The following LHFPL3 variants were observed in gnomAD, a reference collection of about 807,000 sequenced individuals.
LHFPL3 encodes LHFPL tetraspan subfamily member 3 protein.
LHFPL3 carries 5 observed loss-of-function variants against 19.3 expected under a neutral mutation model. That is an observed-to-expected ratio of 0.26 (90% confidence interval 0.14 to 0.54). The LOEUF (loss-of-function observed/expected upper bound fraction) is 0.54. Among genes scored for constraint, LHFPL3 ranks in the 20% least tolerant of loss-of-function variants. LHFPL3 has a pLI of 0.94. For synonymous variants in LHFPL3, 133 were observed against 126.2 expected (o/e 1.05, Z -0.36); for missense variants, 249 against 307.4 (o/e 0.81, Z 1.42).
rs1022270793 is a variant in LHFPL3, at chr7:104,345,282, G to T, written c.445+16058G>T. On this transcript the variant is annotated intron_variant, in intron 1 of 2. Transcript: ENST00000424859. ...TTTAACTCAATTTTGCCAAAGTTTTGTTATTGCCTTTTTAAAAGAACCAGC... is the reference window on the plus strand; with the variant it reads ...TTTAACTCAATTTTGCCAAAGTTTTTTTATTGCCTTTTTAAAAGAACCAGC... 1.2e-4 allele frequency among the ~76,000 whole-genome samples: 19 copies of T among 152,068 alleles called. No individual in the cohort carries two copies. The East Asian group carries it at 3.7e-3, about 29-fold the overall frequency.
At chr7:104,374,849 G>A (rs2116439611) in intron 1 of LHFPL3, among the ~76,000 whole-genome samples, 1 of 152,324 alleles carries the variant, frequency 6.6e-6, no homozygotes, top group Middle Eastern at 3.4e-3. Flanking sequence ...TCCTAGCACA[G>A]TGCAAGGCAC....
At chr7:104,659,360 A>T (rs1792179924) in intron 1 of LHFPL3, among the ~76,000 whole-genome samples, 3 of 152,196 alleles carry the variant, frequency 2.0e-5, no homozygotes, top group Non-Finnish European at 4.4e-5. Flanking sequence ...GGTTCCTCCT[A>T]AGTATGGCAC....
chr7:104,508,496 T>C (rs1793745001), intron 1 of LHFPL3, among the ~76,000 whole-genome samples: 2 of 147,838 alleles, frequency 1.4e-5, no homozygotes, highest in Admixed American at 6.7e-5. Context: ...CATTGGGAGA[T>C]ATACCTAATG....
At chr7:104,653,911 C>T (rs186989575) in intron 1 of LHFPL3, among the ~76,000 whole-genome samples, 21 of 152,300 alleles carry the variant, frequency 1.4e-4, no homozygotes, top group Non-Finnish European at 2.5e-4. Context: ...GCAGCCTCCA[C>T]GCAGAACCAG....
In LHFPL3 at chr7:104,681,154, C is replaced by CTTTTTTT. The variant is rs35342944; in HGVS notation, c.446-55510_446-55504dup. ...TTTGGTTTTTTGTCTTTCTTTTCTT[C>CTTTTTTT]TTTTTTTTTTTTTTTTTGTTAGGGA... is the stretch of plus-strand genomic sequence containing the variant. On this transcript the variant is annotated intron_variant, in intron 1 of 2. Coordinates refer to ENST00000424859, the MANE Select transcript of LHFPL3 (RefSeq NM_199000.3). Among the ~76,000 whole-genome samples the CTTTTTTT allele has an allele frequency of 9.8e-5, 13 of 132,628 alleles. 1 individual carries two copies. The highest frequency in any genetic ancestry group is 2.1e-4 in the East Asian group (1 of 4,664). The allele number at this position is 132,628 out of a possible 152,430, so 87.0% of individuals were successfully genotyped here.
intron 2 of LHFPL3, among the ~76,000 whole-genome samples, chr7:104,772,775 C>T (rs913898622): frequency 6.6e-6 from 1 of 152,232 alleles, no homozygotes; most frequent in South Asian, 2.1e-4. Flanking sequence ...ATCCTACTCT[C>T]GAGGCAGGCA....
chr7:104,413,086 C>CT (rs774927403), intron 1 of LHFPL3, among the ~76,000 whole-genome samples: 1 of 152,304 alleles, frequency 6.6e-6, no homozygotes, highest in Admixed American at 6.5e-5. Flanking sequence ...CTGCTGGTCT[C>CT]TTTTCAAAGT....
intron 1 of LHFPL3, among the ~76,000 whole-genome samples, chr7:104,485,240 C>T (rs537434053): frequency 1.3e-5 from 2 of 151,720 alleles, no homozygotes; most frequent in East Asian, 3.9e-4. Flanking sequence ...TTTTATCATG[C>T]AAAGGCAGTT....
In LHFPL3 at chr7:104,627,450, C is replaced by A. The variant is rs568414975; in HGVS notation, c.446-109225C>A. ...GTTCTTTGAAACAAACTGATCTTTC[C>A]TTTTTCTCTGTTACTTCAATTCTAA... is the stretch of plus-strand genomic sequence containing the variant. On this transcript the variant is annotated intron_variant, in intron 1 of 2. Transcript: ENST00000424859. Among the ~76,000 whole-genome samples, 214 of 152,206 alleles carry A rather than the reference C, an allele frequency of 1.4e-3. 3 individuals carry two copies. Among genetic ancestry groups the A allele is most frequent in the African/African-American group, 5.0e-3 (206 of 41,538 alleles).
At chr7:104,724,562 C>T (rs1420735519) in intron 1 of LHFPL3, among the ~76,000 whole-genome samples, 1 of 152,032 alleles carries the variant, frequency 6.6e-6, no homozygotes, top group East Asian at 1.9e-4. Flanking sequence ...ATGATGAGAA[C>T]ACATGGACAC....
intron 1 of LHFPL3, among the ~76,000 whole-genome samples, chr7:104,686,827 A>C (rs2116114507): frequency 6.6e-6 from 1 of 152,360 alleles, no homozygotes. Context: ...GGGAGGCCTC[A>C]GGAAACTTAC....
chr7:104,873,813 A>G (rs1791881383), intron 2 of LHFPL3, among the ~76,000 whole-genome samples: 1 of 152,146 alleles, frequency 6.6e-6, no homozygotes, highest in Non-Finnish European at 1.5e-5. Flanking sequence ...AGAGTGGGAA[A>G]TCTCAGAGTG....
intron 2 of LHFPL3, among the ~76,000 whole-genome samples, chr7:104,840,484 T>A (rs1403469537): frequency 1.6e-5 from 2 of 125,256 alleles, no homozygotes; most frequent in African/African-American, 6.5e-5. Context: ...CTTTTTTTTT[T>A]TTTTTTTTTT....
At chr7:104,347,453 G>C (rs1790092644) in intron 1 of LHFPL3, among the ~76,000 whole-genome samples, 1 of 152,106 alleles carries the variant, frequency 6.6e-6, no homozygotes, top group Non-Finnish European at 1.5e-5. Context: ...GGGCGCTGCA[G>C]AATGATATCA....
At chr7:104,594,536 A>G (rs1475972038) in intron 1 of LHFPL3, among the ~76,000 whole-genome samples, 1 of 151,878 alleles carries the variant, frequency 6.6e-6, no homozygotes, top group Non-Finnish European at 1.5e-5. Context: ...CTTCTGGAGG[A>G]GTATCTTTGT....
At chr7:104,511,005 A>T (rs142099973) in intron 1 of LHFPL3, among the ~76,000 whole-genome samples, 305 of 152,268 alleles carry the variant, frequency 2.0e-3, no homozygotes, top group African/African-American at 7.1e-3. Flanking sequence ...CCCATGACAC[A>T]AGTTTATCTT....
intron 1 of LHFPL3, among the ~76,000 whole-genome samples, chr7:104,513,613 A>C (rs2115779122): frequency 6.6e-6 from 1 of 152,342 alleles, no homozygotes; most frequent in Admixed American, 6.5e-5. Context: ...GGAGGCAATA[A>C]TTAAAGACGG....
At chr7:104,842,748 A>C (rs1791237669) in intron 2 of LHFPL3, among the ~76,000 whole-genome samples, 2 of 152,202 alleles carry the variant, frequency 1.3e-5, no homozygotes, top group South Asian at 4.1e-4. Flanking sequence ...TTCCTAGCCT[A>C]GTTATAATTT....
At chr7:104,357,833 G>T (rs761877552) in intron 1 of LHFPL3, among the ~76,000 whole-genome samples, 1 of 151,882 alleles carries the variant, frequency 6.6e-6, no homozygotes, top group Admixed American at 6.6e-5. Context: ...TCTCAGTTCT[G>T]CTCTTAAGGC....
Sources: allele counts gnomAD v4.1 joint callset (sites outside exome capture counted in the v4.1 genomes callset), GRCh38; gene constraint gnomAD v4.1.1; transcripts MANE v1.5; gene names NCBI Gene and HGNC (gene_info 2026-07-23, HGNC 2026-07-21).